The following PIP5K1B variants were observed in gnomAD, a reference collection of about 807,000 sequenced individuals.
PIP5K1B encodes the protein phosphatidylinositol-4-phosphate 5-kinase type 1 beta.
Under a neutral mutation model 67.0 loss-of-function variants are expected in PIP5K1B, and 42 were observed. The observed-to-expected ratio is 0.63, with a 90% CI of 0.49 to 0.81. The LOEUF (loss-of-function observed/expected upper bound fraction) is 0.81. Ranked by LOEUF, PIP5K1B falls within the 30% of genes least tolerant of loss-of-function variation. PIP5K1B has a pLI of 0.00. For missense variants in PIP5K1B, 459 were observed against 646.3 expected, an observed-to-expected ratio of 0.71 and a Z score of 3.14; for synonymous variants, 214 against 231.4, an observed-to-expected ratio of 0.92 and a Z score of 0.68.
chr9:68,781,187 T>G, intron 2 of PIP5K1B: 1 of 973,866 alleles, frequency 1.0e-6, no homozygotes, highest in Non-Finnish European at 1.5e-6. Flanking sequence ...AACTTCTATG[T>G]CAGGTTCCTT....
chr9:68,918,087 A>ATTTTT lies in PIP5K1B; in HGVS notation c.983+331_983+332insTTTTT, dbSNP rs200797718. ...TTTGAATAAACATGTTTTATTGTTT[A>ATTTTT]TTTATTTATTTTTTTTTTTTGAGAC... On this transcript the variant is annotated intron_variant, in intron 9 of 15. Coordinates refer to ENST00000265382, the MANE Select transcript of PIP5K1B (RefSeq NM_003558.4). Among the ~76,000 whole-genome samples, 6 of 133,016 alleles carry ATTTTT rather than the reference A, an allele frequency of 4.5e-5. 1 individual carries two copies. The highest frequency in any genetic ancestry group is 6.6e-5 in the Non-Finnish European group (4 of 60,246). 87.3% of individuals were successfully genotyped at this position (133,016 alleles called of 152,430 possible). A position where few individuals can be genotyped will look rare whatever the true frequency, so the allele number is the denominator to read the frequency against.
chr9:69,000,350 A>G (rs1220480848), intron 15 of PIP5K1B, among the ~76,000 whole-genome samples: 2 of 152,144 alleles, frequency 1.3e-5, no homozygotes, highest in South Asian at 4.1e-4. Context: ...TAAATATAAT[A>G]AGATAAAAAT....
chr9:68,731,784 A>ATTTAATAG (rs1828444435), intron 1 of PIP5K1B, among the ~76,000 whole-genome samples: 1 of 152,256 alleles, frequency 6.6e-6, no homozygotes, highest in Non-Finnish European at 1.5e-5. Flanking sequence ...AAAGGCTGGT[A>ATTTAATAG]CACAGGGCAA....
At chr9:68,968,113 C>T (rs1829135359) in intron 14 of PIP5K1B, among the ~76,000 whole-genome samples, 1 of 152,224 alleles carries the variant, frequency 6.6e-6, no homozygotes, top group East Asian at 1.9e-4. Context: ...CTTGGGCATG[C>T]TTCCACAATT....
At chr9:68,741,381 A>ACC (rs1244257425) in intron 1 of PIP5K1B, among the ~76,000 whole-genome samples, 2 of 152,224 alleles carry the variant, frequency 1.3e-5, no homozygotes, top group Middle Eastern at 3.4e-3. Flanking sequence ...CAAACTAAGC[A>ACC]CCCTTGGCTT....
At chr9:68,930,330 G>T (rs996320348) in intron 12 of PIP5K1B, among the ~76,000 whole-genome samples, 1 of 151,812 alleles carries the variant, frequency 6.6e-6, no homozygotes, top group Admixed American at 6.6e-5. Context: ...AGCTCAGCAT[G>T]CCCAAAATTG....
chr9:68,922,759 G>A (rs1826475261), intron 11 of PIP5K1B, among the ~76,000 whole-genome samples: 1 of 152,180 alleles, frequency 6.6e-6, no homozygotes, highest in Non-Finnish European at 1.5e-5. Context: ...ATAATTCAAT[G>A]CAAAGGAGTC....
chr9:68,822,936 T>C lies in PIP5K1B; in HGVS notation c.69+253T>C, dbSNP rs887960736. Among the ~76,000 whole-genome samples, 91 of 152,300 alleles carry C rather than the reference T, an allele frequency of 6.0e-4. 1 individual carries two copies. Among genetic ancestry groups the C allele is most frequent in the African/African-American group, 2.0e-3 (83 of 41,568 alleles). On this transcript the variant is annotated intron_variant, in intron 4 of 15. Coordinates refer to ENST00000265382, the MANE Select transcript of PIP5K1B (RefSeq NM_003558.4). ...GTGTTTGCAGAGCTGTATTCCTTCC[T>C]GGACACTCCAGGGGAGAGTCCACTT...
intron 4 of PIP5K1B, among the ~76,000 whole-genome samples, chr9:68,826,524 G>T (rs1050846934): frequency 1.3e-5 from 2 of 152,190 alleles, no homozygotes. Flanking sequence ...CAGTTTGCCT[G>T]CAGGCCCTAT....
At chr9:68,977,936 C>T (rs186519666) in intron 14 of PIP5K1B, among the ~76,000 whole-genome samples, 3 of 152,176 alleles carry the variant, frequency 2.0e-5, no homozygotes, top group South Asian at 2.1e-4. Flanking sequence ...CGTGAGCCAC[C>T]GCGCCTGGCC....
intron 2 of PIP5K1B, among the ~76,000 whole-genome samples, chr9:68,817,384 C>T (rs545818040): frequency 6.6e-6 from 1 of 152,276 alleles, no homozygotes; most frequent in East Asian, 1.9e-4. Flanking sequence ...TTCTAGGATT[C>T]TTTCCCACAA....
chr9:69,005,262 A>AT (rs1244347430), intron 15 of PIP5K1B, among the ~76,000 whole-genome samples: 1 of 152,210 alleles, frequency 6.6e-6, no homozygotes, highest in Non-Finnish European at 1.5e-5. Context: ...TAAACTATAA[A>AT]TTTAACCAAT....
chr9:69,006,631 G>T (rs1831095224), intron 15 of PIP5K1B, among the ~76,000 whole-genome samples: 1 of 152,070 alleles, frequency 6.6e-6, no homozygotes, highest in Non-Finnish European at 1.5e-5. Flanking sequence ...AAAAGCCCAG[G>T]CCTTTAGCCA....
chr9:68,756,004 G>A (rs932683379), intron 2 of PIP5K1B, among the ~76,000 whole-genome samples: 1 of 152,192 alleles, frequency 6.6e-6, no homozygotes, highest in Non-Finnish European at 1.5e-5. Context: ...TGCCATCTTT[G>A]ATCAGTCGTC....
intron 2 of PIP5K1B, among the ~76,000 whole-genome samples, chr9:68,764,071 C>CTTT (rs1564116345): frequency 3.3e-5 from 4 of 122,572 alleles, no homozygotes; most frequent in African/African-American, 6.2e-5. Context: ...TCTACTATAA[C>CTTT]TTCTTTTTTT....
At chr9:68,946,092 A>G (rs1475139886) in intron 14 of PIP5K1B, among the ~76,000 whole-genome samples, 15 of 152,222 alleles carry the variant, frequency 9.9e-5, no homozygotes, top group Non-Finnish European at 1.5e-5. Flanking sequence ...TTTATTAGAT[A>G]TGTTCCTGCT....
At chr9:68,726,723 G>T (rs1353183538) in intron 1 of PIP5K1B, among the ~76,000 whole-genome samples, 1 of 152,180 alleles carries the variant, frequency 6.6e-6, no homozygotes, top group Non-Finnish European at 1.5e-5. Flanking sequence ...GTTAAAAGTT[G>T]CTGGAATTCC....
chr9:68,857,030 T>C (rs181506548), intron 4 of PIP5K1B, among the ~76,000 whole-genome samples: 11 of 152,262 alleles, frequency 7.2e-5, no homozygotes, highest in African/African-American at 2.6e-4. Flanking sequence ...GAAGATGTGA[T>C]GAGAGAAGCA....
intron 2 of PIP5K1B, chr9:68,780,981 C>G: frequency 6.2e-7 from 1 of 1,614,214 alleles, no homozygotes; most frequent in Non-Finnish European, 8.5e-7. Flanking sequence ...GTCACCTGCC[C>G]AAGCGGCTTC....
Sources: allele counts gnomAD v4.1 joint callset (sites outside exome capture counted in the v4.1 genomes callset), GRCh38; gene constraint gnomAD v4.1.1; transcripts MANE v1.5; gene names NCBI Gene and HGNC (gene_info 2026-07-23, HGNC 2026-07-21).